Variants in PSD3 observed in about 807,000 individuals in gnomAD.
PSD3 encodes PH and SEC7 domain-containing protein 3.
PSD3 carries 49 observed loss-of-function variants against 105.5 expected under a neutral mutation model. That is an observed-to-expected ratio of 0.46 (90% CI 0.37 to 0.59). The LOEUF (loss-of-function observed/expected upper bound fraction) is 0.59. PSD3 is among the 20% of genes least tolerant of loss of function. PSD3 has a pLI of 0.00. For missense variants in PSD3, 1,561 were observed against 1,263.8 expected (o/e 1.24, Z -3.57); for synonymous variants, 557 against 457.8 (o/e 1.22, Z -2.77).
intron 11 of PSD3, among the ~76,000 whole-genome samples, chr8:18,625,037 C>T (rs1305439800): frequency 6.6e-6 from 1 of 152,002 alleles, no homozygotes; most frequent in East Asian, 1.9e-4. Context: ...TACCCAGCTG[C>T]TTTTATAAAT....
chr8:18,547,209 C>T lies in PSD3; in HGVS notation c.2928+9000G>A, dbSNP rs1297178351. Among the ~76,000 whole-genome samples, 3 of 152,140 alleles carry T rather than the reference C, an allele frequency of 2.0e-5. No individual in the cohort carries two copies. In the East Asian group the frequency reaches 5.8e-4, roughly 29 times the overall value. ...GGCTACCAACCCTCAGAGCAGGACA[C>T]ACTCTAGCAGTGGATCTGGTTTCAA... On this transcript the variant is annotated intron_variant, in intron 15 of 15. Transcript: ENST00000327040.
At chr8:18,637,643 T>G (rs189361815) in intron 10 of PSD3, among the ~76,000 whole-genome samples, 80 of 152,340 alleles carry the variant, frequency 5.3e-4, no homozygotes, top group African/African-American at 1.9e-3. Flanking sequence ...TACCATTTCA[T>G]TTTATGGTCG....
chr8:18,677,946 C>G lies in PSD3; in HGVS notation c.2173-22261G>C, dbSNP rs142255240. Among the ~76,000 whole-genome samples the G allele has an allele frequency of 8.7e-5, 13 of 149,524 alleles. No individual in the cohort carries two copies. In the East Asian group the frequency reaches 2.0e-3, roughly 23 times the overall value. Reference sequence around the variant, plus strand: ...AGTGGTGTGAACCTGGGAGGCAGAGCTTGCAGTGAGCCGAGATCAGGCCAC... The same window carrying G: ...AGTGGTGTGAACCTGGGAGGCAGAGGTTGCAGTGAGCCGAGATCAGGCCAC... On this transcript the variant is annotated intron_variant, in intron 9 of 15. Coordinates refer to ENST00000327040, the MANE Select transcript of PSD3 (RefSeq NM_015310.4).
At chr8:18,706,154 G>C (rs1471435326) in intron 9 of PSD3, among the ~76,000 whole-genome samples, 2 of 152,150 alleles carry the variant, frequency 1.3e-5, no homozygotes, top group East Asian at 3.9e-4. Context: ...CTCCCAACGA[G>C]AAGACGCTTA....
In PSD3 at chr8:18,848,681, C is replaced by T. The variant is rs551361126; in HGVS notation, c.1634+18993G>A. Among the ~76,000 whole-genome samples the T allele has an allele frequency of 7.2e-5, 11 of 152,028 alleles. No individual in the cohort carries two copies. In the East Asian group the frequency reaches 1.9e-3, roughly 27 times the overall value. On this transcript the variant is annotated intron_variant, in intron 4 of 15. Coordinates refer to ENST00000327040, the MANE Select transcript of PSD3 (RefSeq NM_015310.4). ...TGGTGGGTGCCTATTTTTGTTGTTA[C>T]TAAAAATGTTTTTCTCCTTTAAAGA...
chr8:19,049,821 G>C (rs2129477096), intron 1 of PSD3, among the ~76,000 whole-genome samples: 1 of 151,980 alleles, frequency 6.6e-6, no homozygotes, highest in South Asian at 2.1e-4. Context: ...GTGAGACACA[G>C]AGCAGCATGG....
At chr8:18,880,330 A>T (rs1586312816) in intron 2 of PSD3, among the ~76,000 whole-genome samples, 3 of 152,290 alleles carry the variant, frequency 2.0e-5, no homozygotes, top group Admixed American at 2.0e-4. Context: ...AATATTGATT[A>T]CCTGCTATGT....
intron 10 of PSD3, among the ~76,000 whole-genome samples, chr8:18,633,575 G>T (rs979014921): frequency 6.6e-6 from 1 of 152,102 alleles, no homozygotes; most frequent in Non-Finnish European, 1.5e-5. Flanking sequence ...CCATGCCGCT[G>T]CAAAGGACAT....
chr8:18,550,743 G>A (rs1554509648), intron 15 of PSD3, among the ~76,000 whole-genome samples: 1 of 152,052 alleles, frequency 6.6e-6, no homozygotes, highest in East Asian at 1.9e-4. Context: ...TTGAAAAATT[G>A]TAAGTCAAAC....
intron 8 of PSD3, among the ~76,000 whole-genome samples, chr8:18,793,372 G>GAAA (rs112335496): frequency 7.2e-5 from 9 of 125,438 alleles, no homozygotes; most frequent in Admixed American, 8.1e-5. Context: ...TATCAAAATA[G>GAAA]AAAAAAAAAA....
chr8:18,695,464 CT>C (rs1207511100), intron 9 of PSD3, among the ~76,000 whole-genome samples: 1 of 152,212 alleles, frequency 6.6e-6, no homozygotes, highest in African/African-American at 2.4e-5. Context: ...CAGAAGACCC[CT>C]GAAGGATTCC....
chr8:18,653,866 C>A (rs927083578), intron 10 of PSD3, among the ~76,000 whole-genome samples: 1 of 151,628 alleles, frequency 6.6e-6, no homozygotes, highest in Admixed American at 6.6e-5. Context: ...ATTCTCTTGC[C>A]CAGAGTGAAT....
chr8:18,626,268 A>T (rs895465243), intron 11 of PSD3, among the ~76,000 whole-genome samples: 2 of 149,020 alleles, frequency 1.3e-5, no homozygotes, highest in Admixed American at 6.7e-5. Context: ...AAAGACACCA[A>T]ATCTTGAGTG....
In PSD3 at chr8:18,901,734, C is replaced by T. The variant is rs372609468; in HGVS notation, c.131-29001G>A. ...TTGGCCTAGTGGTAATGAATTCTCT[C>T]AGTTTTTGTTTGTCTGGGAAATACT... On this transcript the variant is annotated intron_variant, in intron 2 of 15. Transcript: ENST00000327040. Among the ~76,000 whole-genome samples the T allele has an allele frequency of 1.2e-4, 19 of 152,118 alleles. No individual in the cohort carries two copies. In the East Asian group the frequency reaches 3.5e-3, roughly 28 times the overall value.
intron 1 of PSD3, among the ~76,000 whole-genome samples, chr8:19,029,848 A>C (rs910133699): frequency 6.6e-6 from 1 of 152,174 alleles, no homozygotes; most frequent in African/African-American, 2.4e-5. Flanking sequence ...TTGTATGTCG[A>C]TCTTGCATTC....
intron 9 of PSD3, among the ~76,000 whole-genome samples, chr8:18,718,137 G>A (rs1802719517): frequency 6.6e-6 from 1 of 152,140 alleles, no homozygotes; most frequent in Non-Finnish European, 1.5e-5. Flanking sequence ...TTACCTCCTG[G>A]AGCAGCTGCC....
intron 4 of PSD3, among the ~76,000 whole-genome samples, chr8:18,867,115 G>A (rs17468416): frequency 0.018 from 2,807 of 152,142 alleles, 51 homozygotes; most frequent in Non-Finnish European, 0.026. Flanking sequence ...AAATAAATAC[G>A]GAGCCTAGAC....
intron 4 of PSD3, among the ~76,000 whole-genome samples, chr8:18,836,307 A>G (rs1814103338): frequency 6.6e-6 from 1 of 152,220 alleles, no homozygotes; most frequent in African/African-American, 2.4e-5. Flanking sequence ...GTTATCTCAA[A>G]TATCATCAAT....
chr8:18,680,849 C>G (rs923138522), intron 9 of PSD3, among the ~76,000 whole-genome samples: 1 of 151,898 alleles, frequency 6.6e-6, no homozygotes, highest in South Asian at 2.1e-4. Flanking sequence ...AATATTTAGA[C>G]CAAGAAAAGC....
Sources: gnomAD v4.1 joint callset for allele counts (sites outside exome capture counted in the v4.1 genomes callset) on GRCh38, gnomAD v4.1.1 for gene constraint, MANE v1.5 for transcripts, NCBI Gene and HGNC (gene_info 2026-07-23, HGNC 2026-07-21) for gene names.